The following METTL25 variants were observed in gnomAD, a reference collection of about 807,000 sequenced individuals.
METTL25 encodes the protein methyltransferase like 25, also known as probable methyltransferase-like protein 25.
A neutral mutation model predicts 71.6 loss-of-function variants in METTL25; 64 were observed. That is an observed-to-expected ratio of 0.89 (90% CI 0.73 to 1.10). The LOEUF (loss-of-function observed/expected upper bound fraction) is 1.10. Among genes scored for constraint, METTL25 ranks in the 50% least tolerant of loss-of-function variants. The pLI, the probability that METTL25 is intolerant of heterozygous loss-of-function variation, is 0.00. For synonymous variants in METTL25, 287 were observed against 250.3 expected (o/e 1.15, Z -1.38); for missense variants, 807 against 707.0 (o/e 1.14, Z -1.60).
intron 8 of METTL25, chr12:82,439,818 C>G (rs897850780): frequency 2.6e-5 from 25 of 948,588 alleles, no homozygotes; most frequent in Non-Finnish European, 3.1e-5. Context: ...CATGTCAACT[C>G]AAATATTTAC....
intron 1 of METTL25, chr12:82,369,530 G>T: frequency 4.5e-6 from 2 of 445,048 alleles, no homozygotes; most frequent in South Asian, 1.6e-5. Flanking sequence ...TGGTCCTGCT[G>T]ACTTCAAGAA....
intron 5 of METTL25, among the ~76,000 whole-genome samples, chr12:82,411,467 G>A (rs546579255): frequency 6.6e-6 from 1 of 151,842 alleles, no homozygotes; most frequent in African/African-American, 2.4e-5. Flanking sequence ...TAATGTTTTT[G>A]TTTCATTCCT....
At chr12:82,424,093 T>C (rs967157883) in intron 5 of METTL25, among the ~76,000 whole-genome samples, 2 of 152,172 alleles carry the variant, frequency 1.3e-5, no homozygotes, top group African/African-American at 4.8e-5. Flanking sequence ...ACACATATGT[T>C]TATTGCAGCA....
chr12:82,477,637 A>G (rs1565894131), intron 11 of METTL25, among the ~76,000 whole-genome samples: 1 of 151,804 alleles, frequency 6.6e-6, no homozygotes, highest in African/African-American at 2.4e-5. Flanking sequence ...GAAATATTGT[A>G]TAGCTGAAAT....
chr12:82,372,791 T>G (rs1303450398), intron 1 of METTL25, among the ~76,000 whole-genome samples: 1 of 152,144 alleles, frequency 6.6e-6, no homozygotes, highest in Non-Finnish European at 1.5e-5. Context: ...GTTTGTTTGT[T>G]TCTCCCCCTG....
intron 9 of METTL25, chr12:82,459,945 C>G (rs1891754310): frequency 6.6e-6 from 1 of 152,222 alleles, no homozygotes; most frequent in African/African-American, 2.4e-5. Context: ...ACACTTCAGC[C>G]TCCTTGCCAA....
At chr12:82,476,404 T>C in intron 9 of METTL25, 3 of 391,700 alleles carry the variant, frequency 7.7e-6, no homozygotes, top group Non-Finnish European at 9.1e-6. Context: ...AATTAAACAA[T>C]ATTAATGGGA....
chr12:82,469,366 TG>T (rs1892436390), intron 9 of METTL25, among the ~76,000 whole-genome samples: 1 of 152,086 alleles, frequency 6.6e-6, no homozygotes, highest in Non-Finnish European at 1.5e-5. Flanking sequence ...TCCTTAGGGC[TG>T]GGGAGTCTTC....
At chr12:82,464,486 C>A (rs2731287) in intron 9 of METTL25, among the ~76,000 whole-genome samples, 128,974 of 151,974 alleles carry the variant, frequency 0.85, 55,084 homozygotes, top group East Asian at 1. Flanking sequence ...TGTTTTTATG[C>A]CAGTATCATG....
At chr12:82,417,599 A>T (rs1565847015) in intron 5 of METTL25, among the ~76,000 whole-genome samples, 1 of 152,154 alleles carries the variant, frequency 6.6e-6, no homozygotes, top group Non-Finnish European at 1.5e-5. Context: ...TCATTCATAC[A>T]TTTATATATT....
intron 9 of METTL25, among the ~76,000 whole-genome samples, chr12:82,463,744 T>A (rs538420166): frequency 6.6e-6 from 1 of 152,038 alleles, no homozygotes; most frequent in South Asian, 2.1e-4. Context: ...TTGCCAACAT[T>A]TGTTATTTTT....
chr12:82,430,882 C>T lies in METTL25; in HGVS notation c.1280-11C>T. 1.4e-6 allele frequency: 2 copies of T among 1,416,056 alleles called. No individual in the cohort carries two copies. Among genetic ancestry groups the T allele is most frequent in the Non-Finnish European group, 2.0e-6 (2 of 1,020,080 alleles). 87.7% of individuals were successfully genotyped at this position (1,416,056 alleles called of 1,614,324 possible). A position where few individuals can be genotyped will look rare whatever the true frequency, so the allele number is the denominator to read the frequency against. On this transcript the variant is annotated splice_polypyrimidine_tract_variant and intron_variant, in intron 5 of 11. Transcript: ENST00000248306. ...TTATTTAAATAATCCGTATTTTTCC[C>T]CCATCTGCAGAACGTACTCAGGAAA...
intron 5 of METTL25, among the ~76,000 whole-genome samples, chr12:82,405,899 G>A (rs748338492): frequency 5.9e-5 from 9 of 152,016 alleles, no homozygotes; most frequent in Non-Finnish European, 1.3e-4. Flanking sequence ...CAAGTAACTA[G>A]GAATAGAAAA....
intron 8 of METTL25, among the ~76,000 whole-genome samples, chr12:82,443,327 G>A (rs1890491447): frequency 6.6e-6 from 1 of 151,886 alleles, no homozygotes; most frequent in African/African-American, 2.4e-5. Flanking sequence ...TACCCCTAAA[G>A]GAACTAAACT....
chr12:82,424,274 A>C (rs1888789124), intron 5 of METTL25, among the ~76,000 whole-genome samples: 1 of 152,132 alleles, frequency 6.6e-6, no homozygotes, highest in South Asian at 2.1e-4. Flanking sequence ...TTCTCAGCAA[A>C]CTATCGCAAG....
intron 6 of METTL25, among the ~76,000 whole-genome samples, chr12:82,432,059 T>C (rs1889545083): frequency 6.6e-6 from 1 of 151,750 alleles, no homozygotes; most frequent in Non-Finnish European, 1.5e-5. Context: ...CATCATGTTG[T>C]ATACTTTAAA....
chr12:82,389,603 C>T (rs1164731007), intron 2 of METTL25, among the ~76,000 whole-genome samples: 5 of 151,872 alleles, frequency 3.3e-5, no homozygotes, highest in South Asian at 2.1e-4. Context: ...TTAATTGTTA[C>T]GGAATAGTTT....
intron 5 of METTL25, among the ~76,000 whole-genome samples, chr12:82,422,845 T>C (rs1210873911): frequency 1.3e-5 from 2 of 152,162 alleles, no homozygotes; most frequent in Non-Finnish European, 2.9e-5. Context: ...ACAAGGGATG[T>C]GAAGGACCTC....
chr12:82,454,908 A>G (rs1196410881), intron 8 of METTL25, among the ~76,000 whole-genome samples: 1 of 151,972 alleles, frequency 6.6e-6, no homozygotes, highest in Admixed American at 6.6e-5. Flanking sequence ...ATCATGGCTC[A>G]GTTCTGAGCA....
Sources: gnomAD v4.1 joint callset for allele counts (sites outside exome capture counted in the v4.1 genomes callset) on GRCh38, gnomAD v4.1.1 for gene constraint, MANE v1.5 for transcripts, NCBI Gene and HGNC (gene_info 2026-07-23, HGNC 2026-07-21) for gene names.